The following PIEZO2 variants were observed in gnomAD, a reference collection of about 807,000 sequenced individuals.
PIEZO2 encodes the protein piezo type mechanosensitive ion channel component 2.
Under a neutral mutation model 337.3 loss-of-function variants are expected in PIEZO2, and 172 were observed. That is an observed-to-expected ratio of 0.51 (90% CI 0.45 to 0.58). The LOEUF is 0.58. Among genes scored for constraint, PIEZO2 ranks in the 20% least tolerant of loss-of-function variants. PIEZO2 has a pLI of 0.00. For synonymous variants in PIEZO2, 1,251 were observed against 1,228.5 expected, an observed-to-expected ratio of 1.02 and a Z score of -0.38; for missense variants, 3,028 against 3,391.3, an observed-to-expected ratio of 0.89 and a Z score of 2.66.
intron 1 of PIEZO2, among the ~76,000 whole-genome samples, chr18:11,073,737 T>C (rs1598917101): frequency 6.6e-6 from 1 of 152,328 alleles, no homozygotes; most frequent in Non-Finnish European, 1.5e-5. Flanking sequence ...TACGAGAGCT[T>C]TAAATGCTAT....
intron 8 of PIEZO2, 86 bp from the exon 9 acceptor site, chr18:10,804,080 G>C: frequency 6.9e-7 from 1 of 1,449,378 alleles, no homozygotes; most frequent in Non-Finnish European, 9.1e-7. Context: ...TTTCATTTTG[G>C]CTCAGTATGA....
intron 36 of PIEZO2, among the ~76,000 whole-genome samples, chr18:10,730,132 CTGTACTATGATA>C (rs1598409144): frequency 6.6e-6 from 1 of 152,336 alleles, no homozygotes; most frequent in East Asian, 1.9e-4. Context: ...TGGGACTGAT[CTGTACTATGATA>C]TGTAACACTT....
chr18:10,939,081 A>AAAC (rs71252512), intron 3 of PIEZO2, among the ~76,000 whole-genome samples: 63,202 of 151,226 alleles, frequency 0.42, 13,893 homozygotes, highest in Non-Finnish European at 0.5. Flanking sequence ...AAACAAAACA[A>AAAC]AAAAAAAATG....
chr18:11,116,549 T>TA lies in PIEZO2; in HGVS notation c.64+31975dup, dbSNP rs1395029193. On this transcript the variant is annotated intron_variant, in intron 1 of 55. Coordinates refer to ENST00000674853, the MANE Select transcript of PIEZO2 (RefSeq NM_001378183.1). The surrounding 1 kb of genome is among the most constrained non-coding windows in gnomAD (Gnocchi z 5.0). ...TAACACGGTGAAACCCCGTCTCTACTAAAAAAAATTAAAAAATTAGCCGGG... is the reference window on the plus strand; with the variant it reads ...TAACACGGTGAAACCCCGTCTCTACTAAAAAAAAATTAAAAAATTAGCCGGG... Among the ~76,000 whole-genome samples the TA allele has an allele frequency of 6.6e-5, 10 of 151,322 alleles. No individual in the cohort carries two copies. The highest frequency in any genetic ancestry group is 2.6e-4 in the Admixed American group (4 of 15,192).
At chr18:10,789,518 T>C (rs1237160389) in intron 14 of PIEZO2, among the ~76,000 whole-genome samples, 153 bp from the exon 15 acceptor site, 5 of 152,358 alleles carry the variant, frequency 3.3e-5, no homozygotes, top group Non-Finnish European at 5.9e-5. Context: ...CTCAGCAACA[T>C]TTATAACTAG....
At chr18:10,887,652 G>A (rs2042645838) in intron 4 of PIEZO2, among the ~76,000 whole-genome samples, 2 of 152,200 alleles carry the variant, frequency 1.3e-5, no homozygotes, top group African/African-American at 4.8e-5. Context: ...TTTTGTACTT[G>A]TTTGTGCCTG....
intron 36 of PIEZO2, among the ~76,000 whole-genome samples, chr18:10,731,201 A>ATG (rs1567995756): frequency 1.6e-5 from 1 of 63,152 alleles, no homozygotes; most frequent in African/African-American, 9.3e-5. Context: ...ATATATATAT[A>ATG]TATATATATA....
At position 10,833,462 on chromosome 18, in the gene PIEZO2, A is replaced by C. The variant is rs2040913093; in HGVS notation, c.917+21891T>G. On this transcript the variant is annotated intron_variant, in intron 7 of 55. Transcript: ENST00000674853. This position sits in a 1 kb window ranked among gnomAD's most constrained non-coding sequence, Gnocchi z 4.7. ...CCTGGAATCTCCTGGGGCGGGGCTG[A>C]AGGTGGCAGAACATGCAGGCAGCTC... 1.3e-5 allele frequency among the ~76,000 whole-genome samples: 2 copies of C among 152,120 alleles called. No homozygotes were observed. Among genetic ancestry groups the C allele is most frequent in the South Asian group, 4.1e-4 (2 of 4,826 alleles).
At position 10,929,881 on chromosome 18, in the gene PIEZO2, C is replaced by G. The variant is rs962066379; in HGVS notation, c.287-18653G>C. On this transcript the variant is annotated intron_variant, in intron 3 of 55. Coordinates refer to ENST00000674853, the MANE Select transcript of PIEZO2 (RefSeq NM_001378183.1). The surrounding 1 kb of genome is among the most constrained non-coding windows in gnomAD (Gnocchi z 5.6). ...TGGACTGCCCCTCAGCCCAGGAGGC[C>G]CAAAGAAGCCTAAAAAACCAGTTCA... 6.6e-6 allele frequency among the ~76,000 whole-genome samples: 1 copy of G among 152,060 alleles called. No individual in the cohort carries two copies. The highest frequency in any genetic ancestry group is 1.5e-5 in the Non-Finnish European group (1 of 68,002).
In PIEZO2 at chr18:10,952,964, G is replaced by A. The variant is rs1003968813; in HGVS notation, c.286+26571C>T. Among the ~76,000 whole-genome samples the A allele has an allele frequency of 2.0e-5, 3 of 147,910 alleles. No homozygotes were observed. Among genetic ancestry groups the A allele is most frequent in the Non-Finnish European group, 4.5e-5 (3 of 67,212 alleles). On this transcript the variant is annotated intron_variant, in intron 3 of 55. Transcript: ENST00000674853. The surrounding 1 kb of genome is among the most constrained non-coding windows in gnomAD (Gnocchi z 4.1). ...TAAGAAGTATATAGTAGTCATCTCC[G>A]GTTTTTAACTTGCACTTACCTAATG... is the stretch of plus-strand genomic sequence containing the variant.
chr18:10,788,318 C>A (rs1789967402), intron 15 of PIEZO2, among the ~76,000 whole-genome samples: 1 of 151,420 alleles, frequency 6.6e-6, no homozygotes, highest in African/African-American at 2.4e-5. Flanking sequence ...ATGAGAATTC[C>A]TTGAAACTGG....
At chr18:10,811,427 GT>G (rs1253038347) in intron 7 of PIEZO2, among the ~76,000 whole-genome samples, 3 of 152,144 alleles carry the variant, frequency 2.0e-5, no homozygotes, top group African/African-American at 7.2e-5. Flanking sequence ...TTAAAGGTAA[GT>G]TTTTTTAACT....
Position 10,746,790 on chromosome 18 carries a change from C to T in PIEZO2, c.4424+1681G>A, listed in dbSNP as rs1247476565. ...ATCTATGAGGAAGTGGGCCCTCGGCCGACACTGAATCTGCTCGAACCTTGA... is the reference window on the plus strand; with the variant it reads ...ATCTATGAGGAAGTGGGCCCTCGGCTGACACTGAATCTGCTCGAACCTTGA... On this transcript the variant is annotated intron_variant, in intron 30 of 55. Coordinates refer to ENST00000674853, the MANE Select transcript of PIEZO2 (RefSeq NM_001378183.1). This position sits in a 1 kb window ranked among gnomAD's most constrained non-coding sequence, Gnocchi z 4.2. Among the ~76,000 whole-genome samples the T allele has an allele frequency of 3.3e-5, 5 of 152,138 alleles. No homozygotes were observed. Among genetic ancestry groups the T allele is most frequent in the African/African-American group, 9.7e-5 (4 of 41,428 alleles).
chr18:11,056,188 T>C (rs931456673), intron 2 of PIEZO2, among the ~76,000 whole-genome samples: 54 of 152,158 alleles, frequency 3.5e-4, no homozygotes, highest in African/African-American at 1.3e-3. Context: ...CTCGGCACCC[T>C]GTGCTGAGTG....
intron 3 of PIEZO2, among the ~76,000 whole-genome samples, chr18:10,971,735 T>A (rs1379338523): frequency 1.3e-5 from 2 of 152,212 alleles, no homozygotes; most frequent in Admixed American, 1.3e-4. Context: ...CCAAAATTTA[T>A]GTATCCTAAT....
At position 11,060,742 on chromosome 18, in the gene PIEZO2, C is replaced by A. The variant is rs576840176; in HGVS notation, c.160+5385G>T. Among the ~76,000 whole-genome samples the A allele has an allele frequency of 1.2e-4, 19 of 152,224 alleles. No homozygotes were observed. In the South Asian group the frequency reaches 3.5e-3, roughly 28 times the overall value. On this transcript the variant is annotated intron_variant, in intron 2 of 55. Transcript: ENST00000674853. ...AATCTCTGAATAGACCAATAACAGG[C>A]TCTGAAATTGAGGCAATAATTAATA...
At chr18:11,010,819 A>T (rs1227055914) in intron 2 of PIEZO2, among the ~76,000 whole-genome samples, 1 of 152,258 alleles carries the variant, frequency 6.6e-6, no homozygotes, top group East Asian at 1.9e-4. Context: ...TTACATATTT[A>T]GCCCAGAGAA....
intron 2 of PIEZO2, among the ~76,000 whole-genome samples, chr18:10,981,618 T>C (rs555152724): frequency 6.6e-6 from 1 of 152,282 alleles, no homozygotes; most frequent in East Asian, 1.9e-4. Context: ...CTTGATTGGA[T>C]TGAAGGATTC....
intron 2 of PIEZO2, among the ~76,000 whole-genome samples, chr18:11,029,687 T>C (rs573527810): frequency 9.3e-4 from 142 of 152,254 alleles, no homozygotes; most frequent in African/African-American, 3.3e-3. Flanking sequence ...AGGCCAACGT[T>C]TTTTGTGTCT....
Sources: gnomAD v4.1 joint callset for allele counts (sites outside exome capture counted in the v4.1 genomes callset) on GRCh38, gnomAD v4.1.1 for gene constraint, Gnocchi (gnomAD v3.1) non-coding constraint, MANE v1.5 for transcripts, NCBI Gene and HGNC (gene_info 2026-07-23, HGNC 2026-07-21) for gene names.